ASAP1: variants seen among roughly 807,000 people sequenced by gnomAD.
ASAP1 encodes ArfGAP with SH3 domain, ankyrin repeat and PH domain 1.
ASAP1 carries 43 observed loss-of-function variants against 145.2 expected under a neutral mutation model. The observed-to-expected ratio is 0.30, with a 90% CI of 0.23 to 0.38. The LOEUF (loss-of-function observed/expected upper bound fraction) is 0.38. Among genes scored for constraint, ASAP1 ranks in the 10% least tolerant of loss-of-function variants. The pLI is 1.00. For synonymous variants in ASAP1, 546 were observed against 515.5 expected, an observed-to-expected ratio of 1.06 and a Z score of -0.80; for missense variants, 1,018 against 1,355.3, an observed-to-expected ratio of 0.75 and a Z score of 3.91.
intron 2 of ASAP1, among the ~76,000 whole-genome samples, chr8:130,389,098 T>C (rs1475025522): frequency 6.6e-6 from 1 of 152,246 alleles, no homozygotes; most frequent in Non-Finnish European, 1.5e-5. Flanking sequence ...TTAAATGCTC[T>C]GTGAGCATTA....
At chr8:130,379,024 C>T (rs763281337) in intron 2 of ASAP1, among the ~76,000 whole-genome samples, 6 of 152,090 alleles carry the variant, frequency 3.9e-5, no homozygotes, top group African/African-American at 7.2e-5. Flanking sequence ...GTCTTCTGTA[C>T]GCTAATGAGA....
At chr8:130,374,435 C>T (rs914163434) in intron 2 of ASAP1, among the ~76,000 whole-genome samples, 1 of 152,172 alleles carries the variant, frequency 6.6e-6, no homozygotes, top group African/African-American at 2.4e-5. Flanking sequence ...CTTGGGAGTC[C>T]AAGGCAGGAG....
chr8:130,188,266 T>G, intron 5 of ASAP1, 83 bp from the exon 6 acceptor site: 1 of 1,046,232 alleles, frequency 9.6e-7, no homozygotes, highest in Admixed American at 1.7e-5. Flanking sequence ...TGACTGAGCA[T>G]TTTCCACACA....
intron 1 of ASAP1, among the ~76,000 whole-genome samples, chr8:130,442,899 C>G (rs749848979): frequency 6.6e-6 from 1 of 152,138 alleles, no homozygotes; most frequent in Non-Finnish European, 1.5e-5. Flanking sequence ...CTTCACGGTC[C>G]GCCCAGGAGC....
rs1490054808 is a variant in ASAP1, at chr8:130,262,839, G to A, written c.187-25845C>T. Among the ~76,000 whole-genome samples, 6 of 152,106 alleles carry A rather than the reference G, an allele frequency of 3.9e-5. No individual in the cohort carries two copies. The East Asian group carries it at 9.6e-4, about 24-fold the overall frequency. ...GCCTGTTCCATGACCCTAAAGACAG[G>A]ATTTCCTTGAATGACGCGCTAATGA... On this transcript the variant is annotated intron_variant, in intron 3 of 29. Transcript: ENST00000518721.
At chr8:130,418,208 A>G (rs1829566696) in intron 1 of ASAP1, among the ~76,000 whole-genome samples, 1 of 152,214 alleles carries the variant, frequency 6.6e-6, no homozygotes, top group Admixed American at 6.5e-5. Flanking sequence ...GTTTTTTTCC[A>G]ACAGGTTTCT....
chr8:130,305,064 C>T (rs1822909436), intron 3 of ASAP1, among the ~76,000 whole-genome samples: 1 of 152,118 alleles, frequency 6.6e-6, no homozygotes, highest in Non-Finnish European at 1.5e-5. Flanking sequence ...TACCTGAGGA[C>T]CTTCGTGCTG....
Position 130,187,288 on chromosome 8 carries a change from T to G in ASAP1, c.481-3A>C. 1.2e-6 allele frequency: 2 copies of G among 1,608,112 alleles called. No individual in the cohort carries two copies. The highest frequency in any genetic ancestry group is 1.7e-6 in the Non-Finnish European group (2 of 1,177,790). On this transcript the variant is annotated splice_region_variant and splice_polypyrimidine_tract_variant and intron_variant, in intron 6 of 29. Transcript: ENST00000518721. Reference sequence around the variant, plus strand: ...TTGTCAAATGGCTTCTTGAGATCCTTAGAAACGAGAAAATGAGATTAAAAT... The same window carrying G: ...TTGTCAAATGGCTTCTTGAGATCCTGAGAAACGAGAAAATGAGATTAAAAT...
At chr8:130,281,330 A>T (rs996144778) in intron 3 of ASAP1, among the ~76,000 whole-genome samples, 1 of 152,220 alleles carries the variant, frequency 6.6e-6, no homozygotes, top group East Asian at 1.9e-4. Flanking sequence ...TTAAGTTTTT[A>T]CAAATCTCTC....
chr8:130,081,438 T>C (rs2135330945), intron 25 of ASAP1, among the ~76,000 whole-genome samples: 1 of 152,280 alleles, frequency 6.6e-6, no homozygotes, highest in East Asian at 1.9e-4. Flanking sequence ...TGTCCTTTCT[T>C]CCTATGACTG....
In ASAP1 at chr8:130,053,817, A is replaced by G. The variant is rs1171607036; in HGVS notation, c.*914T>C. 1 of 152,250 alleles carries G rather than the reference A, an allele frequency of 6.6e-6. No homozygotes were observed. Among genetic ancestry groups the G allele is most frequent in the Non-Finnish European group, 1.5e-5 (1 of 68,044 alleles). 9.4% of individuals were successfully genotyped at this position (152,250 alleles called of 1,614,324 possible). A position where few individuals can be genotyped will look rare whatever the true frequency, so the allele number is the denominator to read the frequency against. ...AGAAAGCCAGTGATTAGAAACAAATATTGTTGCAACCTTATAATTTCTGCT... is the reference window on the plus strand; with the variant it reads ...AGAAAGCCAGTGATTAGAAACAAATGTTGTTGCAACCTTATAATTTCTGCT... On this transcript the variant is annotated 3_prime_UTR_variant, in exon 30 of 30. Transcript: ENST00000518721.
chr8:130,376,655 G>T (rs1827509595), intron 2 of ASAP1, among the ~76,000 whole-genome samples: 1 of 152,110 alleles, frequency 6.6e-6, no homozygotes, highest in Non-Finnish European at 1.5e-5. Context: ...GAACCAGGGA[G>T]TCAGGGGTTG....
intron 24 of ASAP1, among the ~76,000 whole-genome samples, chr8:130,106,719 T>C (rs183388077): frequency 2.6e-3 from 395 of 152,364 alleles, no homozygotes; most frequent in African/African-American, 8.8e-3. Context: ...CAAAGGCAGC[T>C]CATTCACAGC....
intron 2 of ASAP1, chr8:130,361,523 T>G (rs919636736): frequency 2.4e-5 from 16 of 667,984 alleles, no homozygotes; most frequent in Non-Finnish European, 3.7e-5. Flanking sequence ...CAGTTTCATT[T>G]GAAGATTATG....
intron 3 of ASAP1, among the ~76,000 whole-genome samples, chr8:130,242,260 TTAA>T (rs1818571882): frequency 2.2e-5 from 1 of 46,108 alleles, no homozygotes; most frequent in East Asian, 7.0e-4. Flanking sequence ...AGTGATTTCC[TTAA>T]AAAAAAAAAA....
intron 1 of ASAP1, among the ~76,000 whole-genome samples, chr8:130,409,174 A>G (rs1050166285): frequency 2.6e-5 from 4 of 152,082 alleles, no homozygotes; most frequent in Non-Finnish European, 5.9e-5. Context: ...GGGCAGGAAA[A>G]TAGCTTGAAC....
At chr8:130,253,444 G>A (rs1268900295) in intron 3 of ASAP1, among the ~76,000 whole-genome samples, 1 of 152,102 alleles carries the variant, frequency 6.6e-6, no homozygotes, top group Non-Finnish European at 1.5e-5. Context: ...GTTCCCAACA[G>A]ATACATAGTT....
chr8:130,224,143 A>G (rs1817455324), intron 4 of ASAP1, among the ~76,000 whole-genome samples: 1 of 152,200 alleles, frequency 6.6e-6, no homozygotes, highest in Non-Finnish European at 1.5e-5. Context: ...ATGCTCAGTA[A>G]AATGCTCACT....
At chr8:130,249,834 C>T (rs755516331) in intron 3 of ASAP1, among the ~76,000 whole-genome samples, 2 of 152,014 alleles carry the variant, frequency 1.3e-5, no homozygotes, top group Admixed American at 1.3e-4. Flanking sequence ...TGGAACCTAC[C>T]ATCTAAATTT....
Sources: allele counts gnomAD v4.1 joint callset (sites outside exome capture counted in the v4.1 genomes callset), GRCh38; gene constraint gnomAD v4.1.1; transcripts MANE v1.5; gene names NCBI Gene and HGNC (gene_info 2026-07-23, HGNC 2026-07-21).